The following ACIN1 variants were observed in gnomAD, a reference collection of about 807,000 sequenced individuals.
ACIN1 encodes the protein apoptotic chromatin condensation inducer in the nucleus.
A neutral mutation model predicts 146.6 loss-of-function variants in ACIN1; 16 were observed. The observed-to-expected ratio is 0.11, with a 90% CI of 0.07 to 0.17. ACIN1 has a LOEUF of 0.17. Ranked by LOEUF, ACIN1 falls within the 10% of genes least tolerant of loss-of-function variation. The pLI is 1.00. For missense variants in ACIN1, 1,357 were observed against 1,609.3 expected (o/e 0.84, Z 2.68); for synonymous variants, 569 against 582.7 (o/e 0.98, Z 0.34).
intron 18 of ACIN1, among the ~76,000 whole-genome samples, chr14:23,060,838 G>A (rs915170979): frequency 6.6e-6 from 1 of 152,158 alleles, no homozygotes; most frequent in Non-Finnish European, 1.5e-5. Flanking sequence ...AAGCCTGGTC[G>A]GCACAGCCAG....
Position 23,067,283 on chromosome 14 carries a change from T to C in ACIN1, c.2266-1275A>G. 1.0e-6 allele frequency: 1 copy of C among 983,822 alleles called. No homozygotes were observed. Among genetic ancestry groups the C allele is most frequent in the Non-Finnish European group, 1.2e-6 (1 of 828,314 alleles). The allele number at this position is 983,822 out of a possible 1,614,324, so 60.9% of individuals were successfully genotyped here. ...AATAAAGAAGAAAATAAACTAGGAA[T>C]ATGACAAATGTTCCAGGTACCATCT... On this transcript the variant is annotated intron_variant, in intron 9 of 18. Transcript: ENST00000605057. This position sits in a 1 kb window ranked among gnomAD's most constrained non-coding sequence, Gnocchi z 4.6.
chr14:23,076,006 A>G (rs1199408777), intron 8 of ACIN1, among the ~76,000 whole-genome samples: 5 of 152,180 alleles, frequency 3.3e-5, no homozygotes, highest in Admixed American at 6.5e-5. Flanking sequence ...TGGCCATGCC[A>G]TAAATGGTCT....
Position 23,078,750 on chromosome 14 carries a change from TAGCAAAGACA to T in ACIN1, c.2007+60_2007+69del, listed in dbSNP as rs571501594. On this transcript the variant is annotated intron_variant, in intron 7 of 18. Transcript: ENST00000605057. ...GTCCAGACTTAACTTTTTAGTTTTA[TAGCAAAGACA>T]AGAGGGAAGATCTTGCTTAATCCTC... 1.2e-4 allele frequency: 187 copies of T among 1,497,036 alleles called. No homozygotes were observed. The South Asian group carries it at 2.2e-3, about 18-fold the overall frequency. The allele number at this position is 1,497,036 out of a possible 1,614,324, so 92.7% of individuals were successfully genotyped here.
chr14:23,063,663 G>A, intron 12 of ACIN1, 86 bp from the exon 13 acceptor site: 2 of 1,483,308 alleles, frequency 1.3e-6, no homozygotes, highest in Non-Finnish European at 1.9e-6. Flanking sequence ...GGTAAGAGTA[G>A]CAGTCAATCT....
chr14:23,059,599 TCAA>T (rs1430427827), intron 18 of ACIN1, 125 bp from the exon 19 acceptor site: 6 of 699,638 alleles, frequency 8.6e-6, no homozygotes, highest in Non-Finnish European at 1.5e-5. Flanking sequence ...GGTTGGGGGC[TCAA>T]CAACTGCATC....
intron 16 of ACIN1, 52 bp from the exon 17 acceptor site, chr14:23,061,674 C>A (rs1166339608): frequency 6.9e-7 from 1 of 1,454,046 alleles, no homozygotes; most frequent in South Asian, 1.4e-5. Flanking sequence ...ATATCACTCC[C>A]ACTCAAGGAG....
rs1169482250 is a variant in ACIN1 at position 23,067,979 on chromosome 14, T to C, written c.2265+1497A>G. On this transcript the variant is annotated intron_variant, in intron 9 of 18. Coordinates refer to ENST00000605057, the MANE Select transcript of ACIN1 (RefSeq NM_001386863.1). The surrounding 1 kb of genome is among the most constrained non-coding windows in gnomAD (Gnocchi z 4.6). ...CAGGGACTCCAGCTGAGACAGTGGT[T>C]CCAGTCAGGTGGATGAAATGAGTCC... 1.0e-6 allele frequency: 1 copy of C among 985,730 alleles called. No individual in the cohort carries two copies. The highest frequency in any genetic ancestry group is 1.2e-6 in the Non-Finnish European group (1 of 829,952). The allele number at this position is 985,730 out of a possible 1,614,324, so 61.1% of individuals were successfully genotyped here.
chr14:23,091,903 C>T (rs892671940), intron 2 of ACIN1, among the ~76,000 whole-genome samples: 4 of 152,066 alleles, frequency 2.6e-5, no homozygotes, highest in Non-Finnish European at 5.9e-5. Context: ...GCATTACAGG[C>T]GTGAGCCACA....
Position 23,090,042 on chromosome 14 carries a change from G to A in ACIN1, c.376C>T (p.Pro126Ser). 1 of 1,613,536 alleles carries A rather than the reference G, an allele frequency of 6.2e-7. No individual in the cohort carries two copies. The highest frequency in any genetic ancestry group is 1.1e-5 in the South Asian group (1 of 90,968). The part of the protein sequence containing the change: ...IHPEGVASLL[P>S]PDFQSSLERP... ...TCCAGGCTGCTCTGAAAGTCAGGAG[G>A]CAGCAGGGAAGCCACTCCCTCAGGA... Residue 126 changes from proline (P) to serine (S), a missense_variant, in exon 4 of 19, where the codon CCT becomes TCT. Physicochemically the swap from Pro to Ser is moderately conservative, Grantham distance 74. Around this residue, in one of 4 missense-constraint regions of ACIN1, gnomAD observed 771 missense variants for 746.6 expected, o/e 1.03. Coordinates refer to ENST00000605057, the MANE Select transcript of ACIN1 (RefSeq NM_001386863.1).
Position 23,064,130 on chromosome 14 carries a change from A to G in ACIN1, c.2570T>C (p.Leu857Pro). 2 of 1,614,086 alleles carry G rather than the reference A, an allele frequency of 1.2e-6. No homozygotes were observed. Among genetic ancestry groups the G allele is most frequent in the Non-Finnish European group, 1.7e-6 (2 of 1,180,038 alleles). Reference protein sequence around the residue: ...NGDDGTHDKGLKICRTVTQVV... With the variant: ...NGDDGTHDKGPKICRTVTQVV... ...CTGAGTGACTGTCCGGCATATTTTC[A>G]GCCCCTTGTCATGGGTCCCATCATC... The change falls in exon 12 of 19, where the codon CTG becomes CCG. Residue 857 changes from leucine (L) to proline (P), a missense_variant. Physicochemically the swap from Leu to Pro is moderately conservative, Grantham distance 98. Coordinates refer to ENST00000605057, the MANE Select transcript of ACIN1 (RefSeq NM_001386863.1).
intron 3 of ACIN1, 42 bp from the exon 4 acceptor site, chr14:23,090,143 G>C (rs1202268756): frequency 1.3e-6 from 2 of 1,598,694 alleles, no homozygotes; most frequent in African/African-American, 2.7e-5. Flanking sequence ...GGGAGTGAAG[G>C]ACTCAGCATG....
intron 18 of ACIN1, 25 bp downstream of exon 18, chr14:23,061,059 G>A: frequency 6.2e-7 from 1 of 1,605,184 alleles, no homozygotes; most frequent in African/African-American, 1.3e-5. Context: ...CCACTAGGGA[G>A]CAGGGCACGA....
chr14:23,071,228 TA>T, intron 8 of ACIN1: 11 of 1,511,654 alleles, frequency 7.3e-6, no homozygotes, highest in East Asian at 2.5e-5. Flanking sequence ...AAAAAAATCC[TA>T]AAAAAAATAA....
intron 6 of ACIN1, 117 bp downstream of exon 6, chr14:23,079,430 A>G: frequency 6.8e-7 from 1 of 1,470,670 alleles, no homozygotes; most frequent in Non-Finnish European, 9.2e-7. Context: ...AGTGAAGGAG[A>G]GTAAAGGAGG....
Position 23,061,560 on chromosome 14 carries a change from T to C in ACIN1, c.3162A>G (p.Gly1054=). 6.3e-7 allele frequency: 1 copy of C among 1,575,808 alleles called. No homozygotes were observed. The highest frequency in any genetic ancestry group is 1.2e-5 in the South Asian group (1 of 86,406). The change falls in exon 17 of 19, where the codon GGA becomes GGG. Residue 1054 remains glycine (G), a synonymous_variant. Coordinates refer to ENST00000605057, the MANE Select transcript of ACIN1 (RefSeq NM_001386863.1). ...GTGGGGGGTGCAGGGGCCGTGGTATTCCCTGCTCCTCTGTCTTAGTTTCAG... is the reference window on the plus strand; with the variant it reads ...GTGGGGGGTGCAGGGGCCGTGGTATCCCCTGCTCCTCTGTCTTAGTTTCAG... ...RPSETKTEEQ[G]IPRPLHPPPP...
At position 23,078,210 on chromosome 14, in the gene ACIN1, G is replaced by A. The variant is rs1383735782; in HGVS notation, c.2064C>T (p.Pro688=). Residue 688 remains proline (P), a synonymous_variant, in exon 8 of 19, where the codon CCC becomes CCT. Coordinates refer to ENST00000605057, the MANE Select transcript of ACIN1 (RefSeq NM_001386863.1). ...EEAEPPAATQ[P]QTSETQTSHL... ...GAGAGGTCTGAGTCTCTGAGGTTTG[G>A]GGCTGTGTGGCAGCTGGTGGCTCTG... The A allele has an allele frequency of 2.5e-6, 4 of 1,613,974 alleles. No homozygotes were observed. Among genetic ancestry groups the A allele is most frequent in the African/African-American group, 1.3e-5 (1 of 74,868 alleles).
chr14:23,080,838 A>G (rs759373028), intron 5 of ACIN1, 29 bp from the exon 6 acceptor site: 2 of 1,561,552 alleles, frequency 1.3e-6, no homozygotes, highest in Non-Finnish European at 1.7e-6. Context: ...AATGGCTCCA[A>G]ATGTATTTGC....
chr14:23,060,659 T>C (rs2047248906), intron 18 of ACIN1, among the ~76,000 whole-genome samples: 1 of 152,146 alleles, frequency 6.6e-6, no homozygotes, highest in South Asian at 2.1e-4. Flanking sequence ...TTACGGGCGC[T>C]TGCCACTGCA....
Position 23,058,905 on chromosome 14 carries a change from C to T in ACIN1, c.*243G>A. The T allele has an allele frequency of 1.8e-6, 1 of 546,772 alleles. No homozygotes were observed. The highest frequency in any genetic ancestry group is 2.7e-5 in the South Asian group (1 of 37,708). 33.9% of individuals were successfully genotyped at this position (546,772 alleles called of 1,614,324 possible). On this transcript the variant is annotated 3_prime_UTR_variant, in exon 19 of 19. Coordinates refer to ENST00000605057, the MANE Select transcript of ACIN1 (RefSeq NM_001386863.1). ...CTGGCCAACCACCTCCTTGCCTAAC[C>T]TAGCTCTTGCCTCTCAGACTTAATG...
Sources: allele counts gnomAD v4.1 joint callset (sites outside exome capture counted in the v4.1 genomes callset), GRCh38; gene constraint gnomAD v4.1.1; regional missense constraint gnomAD v4.1.1; non-coding constraint Gnocchi (gnomAD v3.1); transcripts MANE v1.5; gene names NCBI Gene and HGNC (gene_info 2026-07-23, HGNC 2026-07-21).